The following ZNF761 variants were observed in gnomAD, a reference collection of about 807,000 sequenced individuals.
The protein encoded by ZNF761 is zinc finger protein 761.
ZNF761 carries 43 observed loss-of-function variants against 59.9 expected under a neutral mutation model. The ratio of observed to expected loss-of-function variants is 0.72; its 90% CI spans 0.56 to 0.92. ZNF761 has a LOEUF of 0.92. ZNF761 is among the 40% of genes least tolerant of loss of function. The pLI, the probability that ZNF761 is intolerant of heterozygous loss-of-function variation, is 0.00. For synonymous variants in ZNF761, 294 were observed against 304.8 expected (o/e 0.96, Z 0.37); for missense variants, 850 against 906.1 (o/e 0.94, Z 0.79).
rs571243943 is a variant in ZNF761 at position 53,444,038 on chromosome 19, T to A, written c.-184-2189T>A. On this transcript the variant is annotated intron_variant, in intron 1 of 4. Transcript: ENST00000684525. ...GGTAAAAGTCATCACCATTCTCCAG[T>A]CTCAAATACCAAGGGACACAATGCA... is the stretch of plus-strand genomic sequence containing the variant. 4 of 152,536 alleles carry A rather than the reference T, an allele frequency of 2.6e-5. No homozygotes were observed. The South Asian group carries it at 8.3e-4, about 32-fold the overall frequency. The allele number at this position is 152,536 out of a possible 1,614,324, so 9.4% of individuals were successfully genotyped here.
At chr19:53,448,281 G>T (rs2086182341) in intron 3 of ZNF761, among the ~76,000 whole-genome samples, 1 of 152,222 alleles carries the variant, frequency 6.6e-6, no homozygotes, top group African/African-American at 2.4e-5. Flanking sequence ...GGGATTACAG[G>T]TGTGAGGCAC....
At chr19:53,447,409 C>G in intron 3 of ZNF761, 126 bp downstream of exon 3, 1 of 1,310,540 alleles carries the variant, frequency 7.6e-7, no homozygotes, top group Admixed American at 1.7e-5. Flanking sequence ...TCACCCATGC[C>G]TTCCCTCAGT....
chr19:53,432,537 T>A (rs998731433), intron 1 of ZNF761, among the ~76,000 whole-genome samples: 1 of 152,124 alleles, frequency 6.6e-6, no homozygotes, highest in Non-Finnish European at 1.5e-5. Flanking sequence ...TGAGCCCGCG[T>A]TGGGGAGGTG....
At chr19:53,433,042 A>G (rs568334245) in intron 1 of ZNF761, among the ~76,000 whole-genome samples, 1 of 123,994 alleles carries the variant, frequency 8.1e-6, no homozygotes, top group Non-Finnish European at 1.8e-5. Context: ...GAGAGTGGGG[A>G]CAGGGGGGTA....
intron 1 of ZNF761, among the ~76,000 whole-genome samples, chr19:53,445,872 A>G (rs956160785): frequency 3.3e-5 from 5 of 151,924 alleles, no homozygotes; most frequent in South Asian, 2.1e-4. Context: ...CAAAAGCCCA[A>G]CTCCTCACTG....
In ZNF761 at chr19:53,441,688, C is replaced by A. The variant is rs974882544; in HGVS notation, c.-184-4539C>A. ...CCTTGAACTCCTGACCTCAGGTGAT[C>A]CACTCGCCTTGGCCTCCCCAAAGTG... is the stretch of plus-strand genomic sequence containing the variant. On this transcript the variant is annotated intron_variant, in intron 1 of 4. Coordinates refer to ENST00000684525, the MANE Select transcript of ZNF761 (RefSeq NM_001289951.2). 3.8e-5 allele frequency: 19 copies of A among 505,614 alleles called. No individual in the cohort carries two copies. In the Admixed American group the frequency reaches 5.4e-4, roughly 14 times the overall value. 31.3% of individuals were successfully genotyped at this position (505,614 alleles called of 1,614,324 possible). A position where few individuals can be genotyped will look rare whatever the true frequency, so the allele number is the denominator to read the frequency against.
At chr19:53,454,366 T>A (rs1212061599) in intron 4 of ZNF761, among the ~76,000 whole-genome samples, 4 of 152,210 alleles carry the variant, frequency 2.6e-5, no homozygotes, top group Admixed American at 1.3e-4. Context: ...TGTTAGACAC[T>A]TTAGGGTCAC....
intron 4 of ZNF761, 83 bp from the exon 5 acceptor site, chr19:53,454,566 TG>T: frequency 7.3e-7 from 1 of 1,378,994 alleles, no homozygotes; most frequent in South Asian, 1.7e-5. Flanking sequence ...AAATAACTAT[TG>T]TTTTTTGTGT....
chr19:53,451,828 C>T (rs968797238), intron 4 of ZNF761, among the ~76,000 whole-genome samples: 1 of 151,344 alleles, frequency 6.6e-6, no homozygotes, highest in East Asian at 1.9e-4. Flanking sequence ...ACCTCGTGAT[C>T]CTCCTGCCTC....
Position 53,455,616 on chromosome 19 carries a change from C to A in ZNF761, c.1109C>A (p.Thr370Lys), listed in dbSNP as rs2086261244. 6.2e-7 allele frequency: 1 copy of A among 1,613,804 alleles called. No individual in the cohort carries two copies. Among genetic ancestry groups the A allele is most frequent in the East Asian group, 2.2e-5 (1 of 44,836 alleles). ...GKTFSHKSSL[T>K]CHHRLHTGEK... ...ACCTTTAGTCACAAGTCATCCCTTACATGCCATCATAGACTTCATACTGGA... is the reference window on the plus strand; with the variant it reads ...ACCTTTAGTCACAAGTCATCCCTTAAATGCCATCATAGACTTCATACTGGA... The change falls in exon 5 of 5, where the codon ACA (threonine) becomes AAA (lysine). Residue 370 changes from threonine (T) to lysine (K), a missense_variant. Thr to Lys is a moderately conservative substitution (Grantham distance 78, BLOSUM62 -1). Transcript: ENST00000684525.
At position 53,456,425 on chromosome 19, in the gene ZNF761, G is replaced by A. The variant is rs760333568; in HGVS notation, c.1918G>A (p.Asp640Asn). The A allele has an allele frequency of 2.0e-5, 33 of 1,613,498 alleles. No homozygotes were observed. In the South Asian group the frequency reaches 2.6e-4, roughly 13 times the overall value. ...GAAACCTTACAAATGTGAAGAATGT[G>A]ACAAAGCTTTCCGTGTGAAATCAAA... ...GEKPYKCEEC[D>N]KAFRVKSNLE... The change falls in exon 5 of 5, where the codon GAC (aspartate) becomes AAC (asparagine). Residue 640 changes from aspartate (D) to asparagine (N), a missense_variant. Physicochemically the swap from Asp to Asn is conservative, Grantham distance 23. Transcript: ENST00000684525.
intron 1 of ZNF761, among the ~76,000 whole-genome samples, chr19:53,438,995 G>A (rs1172148041): frequency 6.6e-6 from 1 of 152,090 alleles, no homozygotes; most frequent in African/African-American, 2.4e-5. Context: ...GGGAGAGAAC[G>A]GGGCATGGTG....
intron 1 of ZNF761, among the ~76,000 whole-genome samples, chr19:53,438,504 T>G (rs985837351): frequency 2.0e-5 from 3 of 152,230 alleles, no homozygotes; most frequent in African/African-American, 7.2e-5. Flanking sequence ...GTCTTAAGGC[T>G]GGGGCCTGGG....
intron 1 of ZNF761, among the ~76,000 whole-genome samples, chr19:53,440,715 A>G (rs1459066596): frequency 2.0e-5 from 3 of 152,082 alleles, no homozygotes; most frequent in African/African-American, 4.8e-5. Context: ...GGCTGGCTCT[A>G]TCGCCCAGGA....
intron 1 of ZNF761, chr19:53,442,278 A>G (rs2086108895): frequency 7.5e-7 from 1 of 1,341,304 alleles, no homozygotes; most frequent in Non-Finnish European, 1.1e-6. Flanking sequence ...TGAAGGAGAC[A>G]TGGGATGCAC....
chr19:53,447,657 A>T (rs1414622299), intron 3 of ZNF761, among the ~76,000 whole-genome samples: 1 of 152,178 alleles, frequency 6.6e-6, no homozygotes, highest in Non-Finnish European at 1.5e-5. Flanking sequence ...TCATGTATTC[A>T]TGTGCACAAA....
intron 1 of ZNF761, among the ~76,000 whole-genome samples, chr19:53,435,550 A>G (rs1047367799): frequency 2.6e-5 from 4 of 151,626 alleles, no homozygotes; most frequent in African/African-American, 4.9e-5. Flanking sequence ...TGATCCACCC[A>G]TCGTGGCCTC....
At chr19:53,434,964 C>CT (rs2147119695) in intron 1 of ZNF761, among the ~76,000 whole-genome samples, 1 of 152,226 alleles carries the variant, frequency 6.6e-6, no homozygotes, top group East Asian at 1.9e-4. Context: ...GTCCGGGTTC[C>CT]TTTTTGATAA....
At chr19:53,432,863 G>C (rs111852455) in intron 1 of ZNF761, among the ~76,000 whole-genome samples, 16,978 of 151,124 alleles carry the variant, frequency 0.11, 901 homozygotes, top group African/African-American at 0.14. Context: ...TGTACAGAGA[G>C]ATGAAGGACA....
Sources: allele counts gnomAD v4.1 joint callset (sites outside exome capture counted in the v4.1 genomes callset), GRCh38; gene constraint gnomAD v4.1.1; transcripts MANE v1.5; gene names NCBI Gene and HGNC (gene_info 2026-07-23, HGNC 2026-07-21).